EPB41L4A: variants seen among roughly 807,000 people sequenced by gnomAD.
The protein encoded by EPB41L4A is erythrocyte membrane protein band 4.1 like 4A.
A neutral mutation model predicts 108.6 loss-of-function variants in EPB41L4A; 100 were observed. The ratio of observed to expected loss-of-function variants is 0.92; its 90% CI spans 0.78 to 1.09. The LOEUF (loss-of-function observed/expected upper bound fraction) is 1.09. Ranked by LOEUF, EPB41L4A falls within the 50% of genes least tolerant of loss-of-function variation. The pLI is 0.00. For synonymous variants in EPB41L4A, 319 were observed against 289.0 expected (o/e 1.10, Z -1.05); for missense variants, 1,030 against 842.7 (o/e 1.22, Z -2.75).
intron 15 of EPB41L4A, among the ~76,000 whole-genome samples, chr5:112,197,613 C>T (rs1762025933): frequency 6.6e-6 from 1 of 152,174 alleles, no homozygotes; most frequent in Non-Finnish European, 1.5e-5. Context: ...ATCACTAATT[C>T]TTCAAACTCT....
chr5:112,164,782 T>TGACA lies in EPB41L4A; in HGVS notation c.*204_*207dup. 1 of 390,432 alleles carries TGACA rather than the reference T, an allele frequency of 2.6e-6. No individual in the cohort carries two copies. Among genetic ancestry groups the TGACA allele is most frequent in the Non-Finnish European group, 4.4e-6 (1 of 228,806 alleles). 24.2% of individuals were successfully genotyped at this position (390,432 alleles called of 1,614,324 possible). A position where few individuals can be genotyped will look rare whatever the true frequency, so the allele number is the denominator to read the frequency against. ...CCAGTAAGTGGAGGCTGCGGTGAGC[T>TGACA]GACACGGTGCCGCTGCACTCCAGCC... On this transcript the variant is annotated 3_prime_UTR_variant, in exon 23 of 23. Transcript: ENST00000261486.
At chr5:112,260,088 T>G in intron 7 of EPB41L4A, 109 bp from the exon 8 acceptor site, 1 of 807,606 alleles carries the variant, frequency 1.2e-6, no homozygotes, top group Non-Finnish European at 2.0e-6. Flanking sequence ...GGATTTAATT[T>G]TTGAAAGACA....
intron 17 of EPB41L4A, among the ~76,000 whole-genome samples, chr5:112,186,877 G>A (rs1031238125): frequency 7.2e-5 from 11 of 152,220 alleles, no homozygotes; most frequent in African/African-American, 2.7e-4. Context: ...GTAGCACTTT[G>A]TCCTTAAGAG....
At chr5:112,268,093 T>C (rs947683619) in intron 4 of EPB41L4A, among the ~76,000 whole-genome samples, 2 of 152,174 alleles carry the variant, frequency 1.3e-5, no homozygotes, top group Non-Finnish European at 2.9e-5. Flanking sequence ...CAAAACCTTA[T>C]AAACAAGAGT....
intron 9 of EPB41L4A, 36 bp downstream of exon 9, chr5:112,259,193 C>T: frequency 6.8e-7 from 1 of 1,479,112 alleles, no homozygotes; most frequent in Non-Finnish European, 9.4e-7. Flanking sequence ...ACAAGACACC[C>T]CTCTTCTAAT....
At chr5:112,250,317 T>A (rs1207133393) in intron 9 of EPB41L4A, among the ~76,000 whole-genome samples, 1 of 152,196 alleles carries the variant, frequency 6.6e-6, no homozygotes, top group African/African-American at 2.4e-5. Context: ...CAGTAAACTT[T>A]GAAAACTATC....
chr5:112,360,297 C>G (rs1006460800), intron 1 of EPB41L4A, among the ~76,000 whole-genome samples: 17 of 149,104 alleles, frequency 1.1e-4, no homozygotes, highest in Admixed American at 2.0e-4. Context: ...CCCCTCTCCC[C>G]TTTGCACGGT....
chr5:112,392,401 C>CAAAAA lies in EPB41L4A; in HGVS notation c.99+26535_99+26539dup, dbSNP rs56256606. ...GAAGATCTACCAAGCAAATGGAAAG[C>CAAAAA]AAAAAAAAAAAAAAAAAAAAAAAGC... On this transcript the variant is annotated intron_variant, in intron 1 of 22. Coordinates refer to ENST00000261486, the MANE Select transcript of EPB41L4A (RefSeq NM_022140.5). Among the ~76,000 whole-genome samples, 94 of 35,890 alleles carry CAAAAA rather than the reference C, an allele frequency of 2.6e-3. 2 individuals are homozygous for CAAAAA. Among genetic ancestry groups the CAAAAA allele is most frequent in the East Asian group, 4.8e-3 (4 of 836 alleles). 23.5% of individuals were successfully genotyped at this position (35,890 alleles called of 152,430 possible).
In EPB41L4A at chr5:112,195,713, G is replaced by C. The variant is rs762731326; in HGVS notation, c.1377-5C>G. 1 of 1,611,556 alleles carries C rather than the reference G, an allele frequency of 6.2e-7. No individual in the cohort carries two copies. On this transcript the variant is annotated splice_polypyrimidine_tract_variant and splice_region_variant and intron_variant, in intron 15 of 22. Transcript: ENST00000261486. ...TCACCACTGTTATGGGCTTTCCTGT[G>C]AAAACAAATGAAGACATTTAAGAAA...
chr5:112,268,568 C>G (rs1283471490), intron 4 of EPB41L4A, among the ~76,000 whole-genome samples: 1 of 151,942 alleles, frequency 6.6e-6, no homozygotes, highest in African/African-American at 2.4e-5. Flanking sequence ...TCTATTAAGA[C>G]TTTGTGCACA....
At chr5:112,208,818 T>C (rs890816479) in intron 13 of EPB41L4A, among the ~76,000 whole-genome samples, 8 of 152,202 alleles carry the variant, frequency 5.3e-5, no homozygotes, top group African/African-American at 1.9e-4. Flanking sequence ...AAGATTCCTG[T>C]TCTTATGCTG....
intron 3 of EPB41L4A, 97 bp from the exon 4 acceptor site, chr5:112,275,501 T>C (rs1312592725): frequency 1.5e-6 from 2 of 1,324,518 alleles, no homozygotes; most frequent in Non-Finnish European, 1.0e-6. Flanking sequence ...CACTCCAAGA[T>C]TGTCTAAAGA....
intron 9 of EPB41L4A, among the ~76,000 whole-genome samples, chr5:112,258,230 G>C (rs1190804973): frequency 6.6e-6 from 1 of 152,222 alleles, no homozygotes; most frequent in East Asian, 1.9e-4. Flanking sequence ...CAGTGTCTCA[G>C]TGCATCAGCT....
intron 18 of EPB41L4A, among the ~76,000 whole-genome samples, chr5:112,182,466 G>A (rs1248331914): frequency 1.3e-5 from 2 of 151,810 alleles, no homozygotes; most frequent in African/African-American, 4.8e-5. Context: ...AATGTTTTTT[G>A]ACTTCTTCAA....
At chr5:112,410,040 C>T (rs1426128684) in intron 1 of EPB41L4A, among the ~76,000 whole-genome samples, 1 of 152,174 alleles carries the variant, frequency 6.6e-6, no homozygotes, top group East Asian at 1.9e-4. Context: ...AAGAGGGCCT[C>T]TCCAGCTCCG....
intron 2 of EPB41L4A, among the ~76,000 whole-genome samples, chr5:112,289,467 T>C (rs976903078): frequency 6.6e-6 from 1 of 152,142 alleles, no homozygotes; most frequent in African/African-American, 2.4e-5. Context: ...GGGGGGAATA[T>C]TGCCTGGACT....
chr5:112,159,652 T>A (rs1177150840), downstream of EPB41L4A, among the ~76,000 whole-genome samples: 1 of 152,206 alleles, frequency 6.6e-6, no homozygotes, highest in African/African-American at 2.4e-5. Context: ...AGATCTTGCA[T>A]AACCGCCTTC....
intron 3 of EPB41L4A, 55 bp downstream of exon 3, chr5:112,280,217 G>C: frequency 6.7e-7 from 1 of 1,484,280 alleles, no homozygotes; most frequent in Middle Eastern, 1.7e-4. Flanking sequence ...ACTAATCATG[G>C]ACTTTGTCAT....
At chr5:112,333,736 G>A (rs1756737395) in intron 1 of EPB41L4A, among the ~76,000 whole-genome samples, 1 of 152,016 alleles carries the variant, frequency 6.6e-6, no homozygotes, top group Non-Finnish European at 1.5e-5. Flanking sequence ...TTCTCTTTTT[G>A]CATAAATGCT....
Sources: gnomAD v4.1 joint callset for allele counts (sites outside exome capture counted in the v4.1 genomes callset) on GRCh38, gnomAD v4.1.1 for gene constraint, MANE v1.5 for transcripts, NCBI Gene and HGNC (gene_info 2026-07-23, HGNC 2026-07-21) for gene names.